Variants in GRIA1 observed in about 807,000 individuals in gnomAD.
GRIA1 encodes the protein glutamate ionotropic receptor AMPA type subunit 1, also known as glutamate receptor 1.
GRIA1 carries 31 observed loss-of-function variants against 99.2 expected under a neutral mutation model. The ratio of observed to expected loss-of-function variants is 0.31; its 90% CI spans 0.23 to 0.42. The LOEUF is 0.42. GRIA1 is among the 10% of genes least tolerant of loss of function. GRIA1 has a pLI of 1.00. For synonymous variants in GRIA1, 438 were observed against 432.4 expected, an observed-to-expected ratio of 1.01 and a Z score of -0.16; for missense variants, 782 against 1,157.5, an observed-to-expected ratio of 0.68 and a Z score of 4.71.
Position 153,706,952 on chromosome 5 carries a change from A to T in GRIA1, c.1823+885A>T, listed in dbSNP as rs998975938. On this transcript the variant is annotated intron_variant, in intron 11 of 15. Transcript: ENST00000285900. Reference sequence around the variant, plus strand: ...TCTACTAAAAATAAAAAATAATAAAACAATAATAATAATAAATTAGCTGGA... The same window carrying T: ...TCTACTAAAAATAAAAAATAATAAATCAATAATAATAATAAATTAGCTGGA... 2.3e-4 allele frequency among the ~76,000 whole-genome samples: 35 copies of T among 151,988 alleles called. 1 individual carries two copies. The highest frequency in any genetic ancestry group is 7.4e-5 in the Non-Finnish European group (5 of 67,992).
chr5:153,692,507 T>C (rs937254513), intron 8 of GRIA1, among the ~76,000 whole-genome samples: 2 of 152,180 alleles, frequency 1.3e-5, no homozygotes, highest in Non-Finnish European at 2.9e-5. Context: ...TTCTGGAACA[T>C]AGCTATGCTC....
At chr5:153,730,749 C>G (rs1760950867) in intron 11 of GRIA1, among the ~76,000 whole-genome samples, 1 of 152,054 alleles carries the variant, frequency 6.6e-6, no homozygotes, top group African/African-American at 2.4e-5. Context: ...TTGCATTAAT[C>G]CAAAATGGAC....
intron 6 of GRIA1, among the ~76,000 whole-genome samples, chr5:153,675,846 C>A (rs905541922): frequency 1.4e-5 from 2 of 146,742 alleles, no homozygotes; most frequent in African/African-American, 5.0e-5. Context: ...CAAAAATAAC[C>A]AAATGTAATT....
chr5:153,594,154 T>C (rs1041664950), intron 2 of GRIA1, among the ~76,000 whole-genome samples: 2 of 152,220 alleles, frequency 1.3e-5, no homozygotes, highest in African/African-American at 4.8e-5. Context: ...TACGATTATC[T>C]TTTTGTCTCT....
At chr5:153,576,842 G>A (rs1581254985) in intron 2 of GRIA1, among the ~76,000 whole-genome samples, 1 of 152,176 alleles carries the variant, frequency 6.6e-6, no homozygotes, top group African/African-American at 2.4e-5. Flanking sequence ...AATAATTTAG[G>A]TTATAATTGT....
intron 12 of GRIA1, among the ~76,000 whole-genome samples, chr5:153,768,414 C>T (rs1224701297): frequency 1.3e-5 from 2 of 152,130 alleles, no homozygotes; most frequent in Non-Finnish European, 2.9e-5. Context: ...CATAAACAAA[C>T]CCATGAGTGA....
chr5:153,755,736 C>G (rs1001494846), intron 11 of GRIA1: 1 of 152,298 alleles, frequency 6.6e-6, no homozygotes, highest in Non-Finnish European at 1.5e-5. Flanking sequence ...CTCATATCCC[C>G]CTAACAACAA....
chr5:153,781,864 G>C (rs1764655734), intron 13 of GRIA1, among the ~76,000 whole-genome samples: 1 of 152,074 alleles, frequency 6.6e-6, no homozygotes, highest in Non-Finnish European at 1.5e-5. Flanking sequence ...GGGAAACAAG[G>C]ATGAATAAAC....
At chr5:153,583,205 C>G (rs1335267249) in intron 2 of GRIA1, among the ~76,000 whole-genome samples, 1 of 152,108 alleles carries the variant, frequency 6.6e-6, no homozygotes, top group Admixed American at 6.5e-5. Context: ...AGTGCTGGGA[C>G]TGCAAGTGTG....
chr5:153,761,666 T>A (rs970165080), intron 11 of GRIA1, among the ~76,000 whole-genome samples: 1 of 152,130 alleles, frequency 6.6e-6, no homozygotes, highest in Non-Finnish European at 1.5e-5. Context: ...CACCATTGAG[T>A]AAATATACAA....
chr5:153,564,001 G>A (rs1761393587), intron 2 of GRIA1, among the ~76,000 whole-genome samples: 2 of 152,204 alleles, frequency 1.3e-5, no homozygotes, highest in African/African-American at 2.4e-5. Flanking sequence ...AAGTTGAGGA[G>A]CTATTTGGGA....
At chr5:153,750,138 G>A (rs1453080931) in intron 11 of GRIA1, among the ~76,000 whole-genome samples, 2 of 152,092 alleles carry the variant, frequency 1.3e-5, no homozygotes, top group Non-Finnish European at 2.9e-5. Context: ...GCAGCATCTT[G>A]GATGAAGTGG....
At chr5:153,786,099 T>C (rs1764949576) in intron 13 of GRIA1, among the ~76,000 whole-genome samples, 2 of 152,196 alleles carry the variant, frequency 1.3e-5, no homozygotes, top group African/African-American at 4.8e-5. Context: ...TTAATTGATA[T>C]ACATTTGCTT....
intron 4 of GRIA1, among the ~76,000 whole-genome samples, chr5:153,655,297 A>G (rs755620513): frequency 6.6e-6 from 1 of 152,182 alleles, no homozygotes; most frequent in Non-Finnish European, 1.5e-5. Context: ...GAGCATCTAT[A>G]TATGGTTCAT....
intron 11 of GRIA1, among the ~76,000 whole-genome samples, chr5:153,742,764 T>G (rs756358686): frequency 1.1e-4 from 17 of 152,194 alleles, no homozygotes; most frequent in Non-Finnish European, 2.4e-4. Flanking sequence ...TTCCTATGTC[T>G]TCTTCTGTCT....
intron 13 of GRIA1, among the ~76,000 whole-genome samples, chr5:153,771,177 C>A (rs1015701615): frequency 2.6e-5 from 4 of 152,140 alleles, no homozygotes; most frequent in Non-Finnish European, 5.9e-5. Context: ...TTGGCCCAGC[C>A]CTTCCTAGGT....
chr5:153,803,315 C>T (rs1766182594), intron 15 of GRIA1, among the ~76,000 whole-genome samples: 1 of 152,144 alleles, frequency 6.6e-6, no homozygotes, highest in Non-Finnish European at 1.5e-5. Flanking sequence ...CATCAAAAGG[C>T]AGTTTGGATT....
chr5:153,657,914 C>T (rs1185171439), intron 5 of GRIA1, among the ~76,000 whole-genome samples: 1 of 152,158 alleles, frequency 6.6e-6, no homozygotes, highest in Non-Finnish European at 1.5e-5. Context: ...CTCCAAAGAC[C>T]ATTTGCAAAA....
At position 153,764,337 on chromosome 5, in the gene GRIA1, G is replaced by A. The variant is rs113577071; in HGVS notation, c.1824-97G>A. The A allele has an allele frequency of 1.7e-3, 1,500 of 862,234 alleles. 16 individuals are homozygous for A. The African/African-American group carries it at 0.022, about 12-fold the overall frequency. The allele number at this position is 862,234 out of a possible 1,614,324, so 53.4% of individuals were successfully genotyped here. A position where few individuals can be genotyped will look rare whatever the true frequency, so the allele number is the denominator to read the frequency against. The stretch of plus-strand genomic sequence containing the variant: ...GAGAAGGGTGCAATAGGGCCTGACC[G>A]CTCTGCTGCCAAGCCCCGGACCCGT... On this transcript the variant is annotated intron_variant, in intron 11 of 15. Transcript: ENST00000285900.
Sources: allele counts gnomAD v4.1 joint callset (sites outside exome capture counted in the v4.1 genomes callset), GRCh38; gene constraint gnomAD v4.1.1; transcripts MANE v1.5; gene names NCBI Gene and HGNC (gene_info 2026-07-23, HGNC 2026-07-21).